Variants in BRS3 observed in about 807,000 individuals in gnomAD.
The protein encoded by BRS3 is bombesin receptor subtype-3.
BRS3 carries 5 observed loss-of-function variants against 18.8 expected under a neutral mutation model. The observed-to-expected ratio is 0.27, with a 90% CI of 0.14 to 0.56. BRS3 has a LOEUF of 0.56. Ranked by LOEUF, BRS3 falls within the 20% of genes least tolerant of loss-of-function variation. The pLI is 0.93. For missense variants in BRS3, 215 were observed against 296.3 expected, an observed-to-expected ratio of 0.73 and a Z score of 2.01; for synonymous variants, 121 against 115.0, an observed-to-expected ratio of 1.05 and a Z score of -0.33.
intron 1 of BRS3, 128 bp downstream of exon 1, chrX:136,488,676 G>A: frequency 3.1e-6 from 2 of 655,550 alleles, no homozygotes; most frequent in South Asian, 7.1e-5. Context: ...ATGTGAGATT[G>A]GAAAATCTGG....
At chrX:136,489,697 A>T (rs2075663172) in intron 1 of BRS3, among the ~76,000 whole-genome samples, 2 of 111,527 alleles carry the variant, frequency 1.8e-5, no homozygotes, top group African/African-American at 6.5e-5. Flanking sequence ...AAGGTTGATA[A>T]CTGTTCACTC....
At chrX:136,490,835 T>C (rs770894921) in intron 2 of BRS3, among the ~76,000 whole-genome samples, 2 of 112,421 alleles carry the variant, frequency 1.8e-5, no homozygotes, top group East Asian at 5.6e-4. Context: ...TCAAAATTTT[T>C]TACCCCATGG....
At position 136,488,136 on chromosome X, in the gene BRS3, T is replaced by C. The variant is rs761432263; in HGVS notation, c.22T>C (p.Ser8Pro). ...AGAAATGGCTCAAAGGCAGCCTCACTCACCTAATCAGACTTTAATTTCAAT... is the reference window on the plus strand; with the variant it reads ...AGAAATGGCTCAAAGGCAGCCTCACCCACCTAATCAGACTTTAATTTCAAT... MAQRQPH[S>P]PNQTLISITN... The change falls in exon 1 of 3, where the codon TCA (serine) becomes CCA (proline). Residue 8 changes from serine to proline, a missense_variant. By Grantham distance (74) the Ser-to-Pro change is moderately conservative. Transcript: ENST00000370648. The C allele has an allele frequency of 1.3e-4, 156 of 1,200,501 alleles. No individual in the cohort carries two copies. The highest frequency in any genetic ancestry group is 1.7e-4 in the Non-Finnish European group (154 of 890,504).
At position 136,488,227 on chromosome X, in the gene BRS3, G is replaced by A. The variant is rs371326828; in HGVS notation, c.113G>A (p.Gly38Glu). The A allele has an allele frequency of 3.3e-6, 4 of 1,209,877 alleles. No individual in the cohort carries two copies. Among genetic ancestry groups the A allele is most frequent in the Non-Finnish European group, 4.5e-6 (4 of 895,057 alleles). ...GATAACACAAATAAAGGATGGAGCG[G>A]GGACAACTCTCCAGGAATAGAAGCA... Reference protein sequence around the residue: ...SNDNTNKGWSGDNSPGIEALC... With the variant: ...SNDNTNKGWSEDNSPGIEALC... Residue 38 changes from glycine (G) to glutamate (E), a missense_variant, in exon 1 of 3, where the codon GGG becomes GAG. Transcript: ENST00000370648.
chrX:136,491,913 G>GGTT (rs2075670791), intron 2 of BRS3, 49 bp from the exon 3 acceptor site: 5 of 436,962 alleles, frequency 1.1e-5, no homozygotes, highest in African/African-American at 8.1e-5. Flanking sequence ...TGTTTTTTGT[G>GGTT]TTTTTTTTTT....
At chrX:136,489,139 G>T (rs1448354213) in intron 1 of BRS3, among the ~76,000 whole-genome samples, 1 of 111,962 alleles carries the variant, frequency 8.9e-6, no homozygotes, top group Non-Finnish European at 1.9e-5. Flanking sequence ...CATTTCCAGA[G>T]AAATAAATTA....
chrX:136,492,207 G>C lies in BRS3; in HGVS notation c.1032G>C (p.Gln344His), dbSNP rs148325947. The C allele has an allele frequency of 8.3e-7, 1 of 1,209,752 alleles. No homozygotes were observed. Among genetic ancestry groups the C allele is most frequent in the Non-Finnish European group, 1.1e-6 (1 of 895,287 alleles). Residue 344 changes from glutamine to histidine, a missense_variant, in exon 3 of 3, where the codon CAG becomes CAC. Physicochemically the swap from Gln to His is conservative, Grantham distance 24. Transcript: ENST00000370648. ...GCTTCCAGAAGCATTTTAAAGCTCAGTTGTTCTGTTGCAAGGCGGAGCGGC... is the reference window on the plus strand; with the variant it reads ...GCTTCCAGAAGCATTTTAAAGCTCACTTGTTCTGTTGCAAGGCGGAGCGGC... Reference protein sequence around the residue: ...SKSFQKHFKAQLFCCKAERPE... With the variant: ...SKSFQKHFKAHLFCCKAERPE...
At chrX:136,489,130 A>G (rs2075661555) in intron 1 of BRS3, among the ~76,000 whole-genome samples, 1 of 112,106 alleles carries the variant, frequency 8.9e-6, no homozygotes, top group Non-Finnish European at 1.9e-5. Context: ...TGACATTATC[A>G]TTTCCAGAGA....
Position 136,492,543 on chromosome X carries a change from A to C in BRS3, c.*168A>C. The C allele has an allele frequency of 2.2e-6, 1 of 447,456 alleles. No individual in the cohort carries two copies. Among genetic ancestry groups the C allele is most frequent in the Non-Finnish European group, 3.5e-6 (1 of 289,239 alleles). 36.9% of individuals were successfully genotyped at this position (447,456 alleles called of 1,213,427 possible). A position where few individuals can be genotyped will look rare whatever the true frequency, so the allele number is the denominator to read the frequency against. On this transcript the variant is annotated 3_prime_UTR_variant, in exon 3 of 3. Coordinates refer to ENST00000370648, the MANE Select transcript of BRS3 (RefSeq NM_001727.2). ...TACAAACCATTACTTTCTTCAAAGT[A>C]CAAATAGTAATGTCATCGGGCTTTC...
intron 2 of BRS3, among the ~76,000 whole-genome samples, 171 bp from the exon 3 acceptor site, chrX:136,491,791 A>G (rs986798585): frequency 3.6e-5 from 4 of 111,298 alleles, no homozygotes; most frequent in African/African-American, 1.3e-4. Context: ...TAGCATACAA[A>G]TGCATGTTCA....
rs771406876 is a variant in BRS3 at position 136,493,295 on chromosome X, A to G, written c.*920A>G. ...TTCCTGCTTGACTTTATTAAACCCA[A>G]TGGGTGCCTAAGTCCTGTAAGTGTA... On this transcript the variant is annotated 3_prime_UTR_variant, in exon 3 of 3. Coordinates refer to ENST00000370648, the MANE Select transcript of BRS3 (RefSeq NM_001727.2). The G allele has an allele frequency of 1.2e-4, 13 of 111,355 alleles. No homozygotes were observed. Among genetic ancestry groups the G allele is most frequent in the South Asian group, 1.1e-3 (3 of 2,689 alleles). The allele number at this position is 111,355 out of a possible 1,213,427, so 9.2% of individuals were successfully genotyped here. A position where few individuals can be genotyped will look rare whatever the true frequency, so the allele number is the denominator to read the frequency against.
Position 136,490,498 on chromosome X carries a change from A to C in BRS3, c.786+14A>C. The C allele has an allele frequency of 9.2e-7, 1 of 1,091,274 alleles. No homozygotes were observed. Among genetic ancestry groups the C allele is most frequent in the Non-Finnish European group, 1.2e-6 (1 of 819,421 alleles). The allele number at this position is 1,091,274 out of a possible 1,213,427, so 89.9% of individuals were successfully genotyped here. ...GCCCGTAAGCAGGTATGTATTAATCAGTACTCATGCAAATCTAGTTTGAAT... is the reference window on the plus strand; with the variant it reads ...GCCCGTAAGCAGGTATGTATTAATCCGTACTCATGCAAATCTAGTTTGAAT... On this transcript the variant is annotated intron_variant, in intron 2 of 2. Coordinates refer to ENST00000370648, the MANE Select transcript of BRS3 (RefSeq NM_001727.2).
chrX:136,488,214 A>G lies in BRS3; in HGVS notation c.100A>G (p.Lys34Glu). The G allele has an allele frequency of 8.3e-7, 1 of 1,211,752 alleles. No individual in the cohort carries two copies. Among genetic ancestry groups the G allele is most frequent in the South Asian group, 1.8e-5 (1 of 56,977 alleles). ...SSVVSNDNTN[K>E]GWSGDNSPGI... is the part of the protein sequence containing the mutation. The stretch of plus-strand genomic sequence containing the variant: ...TGTGGTTTCTAACGATAACACAAAT[A>G]AAGGATGGAGCGGGGACAACTCTCC... The change falls in exon 1 of 3, where the codon AAA becomes GAA. Residue 34 changes from lysine to glutamate, a missense_variant. This residue lies in a region of BRS3 where 47 missense variants were observed against 43.1 expected (regional missense o/e 1.09). Transcript: ENST00000370648.
rs1358625220 is a variant in BRS3, at chrX:136,492,220, A to G, written c.1045A>G (p.Lys349Glu). 8.3e-6 allele frequency: 10 copies of G among 1,209,659 alleles called. No homozygotes were observed. ...TTTTAAAGCTCAGTTGTTCTGTTGC[A>G]AGGCGGAGCGGCCTGAGCCTCCTGT... ...KHFKAQLFCC[K>E]AERPEPPVAD... Residue 349 changes from lysine (K) to glutamate (E), a missense_variant, in exon 3 of 3, where the codon AAG becomes GAG. Physicochemically the swap from Lys to Glu is moderately conservative, Grantham distance 56. Transcript: ENST00000370648.
rs2075676007 is a variant in BRS3, at chrX:136,493,187, A to T, written c.*812A>T. On this transcript the variant is annotated 3_prime_UTR_variant, in exon 3 of 3. Coordinates refer to ENST00000370648, the MANE Select transcript of BRS3 (RefSeq NM_001727.2). ...TTACAGAAATTCGTTTCTTTCTGGT[A>T]AGCAGTGCCCTCTTTCTAAAAACAT... The T allele has an allele frequency of 8.9e-6, 1 of 112,164 alleles. No homozygotes were observed. The highest frequency in any genetic ancestry group is 1.9e-5 in the Non-Finnish European group (1 of 53,238). 9.2% of individuals were successfully genotyped at this position (112,164 alleles called of 1,213,427 possible).
chrX:136,489,610 C>T (rs750719124), intron 1 of BRS3, among the ~76,000 whole-genome samples: 31 of 111,269 alleles, frequency 2.8e-4, no homozygotes, highest in Non-Finnish European at 5.3e-4. Flanking sequence ...GGTTGGGCAA[C>T]GAATTAACAC....
intron 2 of BRS3, 74 bp downstream of exon 2, chrX:136,490,558 A>C: frequency 1.9e-5 from 15 of 790,889 alleles, no homozygotes; most frequent in Non-Finnish European, 2.7e-5. Flanking sequence ...CACAGTGAGT[A>C]ACTGTGTATC....
intron 2 of BRS3, 72 bp downstream of exon 2, chrX:136,490,556 G>C: frequency 1.9e-5 from 15 of 790,421 alleles, no homozygotes; most frequent in Non-Finnish European, 2.7e-5. Context: ...TGCACAGTGA[G>C]TAACTGTGTA....
At chrX:136,491,918 T>TTG (rs1569351067) in intron 2 of BRS3, 44 bp from the exon 3 acceptor site, 1 of 527,634 alleles carries the variant, frequency 1.9e-6, no homozygotes, top group Non-Finnish European at 2.4e-6. Flanking sequence ...TTTGTGTTTT[T>TTG]TTTTTTTTTT....
Sources: allele counts gnomAD v4.1 joint callset (sites outside exome capture counted in the v4.1 genomes callset), GRCh38; gene constraint gnomAD v4.1.1; regional missense constraint gnomAD v4.1.1; transcripts MANE v1.5; gene names NCBI Gene and HGNC (gene_info 2026-07-23, HGNC 2026-07-21).